The following LRCH3 variants were observed in gnomAD, a reference collection of about 807,000 sequenced individuals.
LRCH3 encodes the protein leucine rich repeats and calponin homology domain containing 3.
In LRCH3, 68 loss-of-function variants were observed where a neutral mutation model predicts 104.5. That is an observed-to-expected ratio of 0.65 (90% CI 0.54 to 0.80). The LOEUF is 0.80. Ranked by LOEUF, LRCH3 falls within the 30% of genes least tolerant of loss-of-function variation. The pLI, the probability that LRCH3 is intolerant of heterozygous loss-of-function variation, is 0.00. For missense variants in LRCH3, 951 were observed against 953.9 expected (o/e 1.00, Z 0.04); for synonymous variants, 344 against 361.3 (o/e 0.95, Z 0.54).
chr3:197,827,097 G>A, intron 5 of LRCH3, 83 bp downstream of exon 5: 2 of 1,572,216 alleles, frequency 1.3e-6, no homozygotes, highest in Non-Finnish European at 1.7e-6. Flanking sequence ...AACCATAGTG[G>A]AAGCATCAGG....
chr3:197,817,750 GC>G (rs1397459001), intron 3 of LRCH3, among the ~76,000 whole-genome samples: 1 of 151,938 alleles, frequency 6.6e-6, no homozygotes, highest in Non-Finnish European at 1.5e-5. Context: ...TTTATTTTTT[GC>G]CTTACATTAT....
chr3:197,858,145 A>C (rs1425908031), intron 14 of LRCH3, among the ~76,000 whole-genome samples: 3 of 152,358 alleles, frequency 2.0e-5, no homozygotes, highest in African/African-American at 7.2e-5. Flanking sequence ...CAAATGAGAA[A>C]AATTGTCATG....
rs953026143 is a variant in LRCH3 at position 197,813,540 on chromosome 3, T to C, written c.263-1368T>C. On this transcript the variant is annotated intron_variant, in intron 1 of 20. Coordinates refer to ENST00000425562, the MANE Select transcript of LRCH3 (RefSeq NM_001365715.1). ...TTTTTTTTTTTTTTTTTTTTTTTTT[T>C]TTTTTTTTGAGATGGAATCTCGCTC... Among the ~76,000 whole-genome samples, 32 of 128,416 alleles carry C rather than the reference T, an allele frequency of 2.5e-4. 3 individuals carry two copies. The highest frequency in any genetic ancestry group is 9.3e-4 in the African/African-American group (31 of 33,220). 84.2% of individuals were successfully genotyped at this position (128,416 alleles called of 152,430 possible).
intron 1 of LRCH3, among the ~76,000 whole-genome samples, chr3:197,809,861 C>T (rs1040921116): frequency 1.3e-5 from 2 of 152,100 alleles, no homozygotes; most frequent in Non-Finnish European, 2.9e-5. Context: ...GGTCTAGCAT[C>T]TCTGTCATCT....
intron 19 of LRCH3, among the ~76,000 whole-genome samples, chr3:197,875,011 C>CTCCCGGGT (rs1198977542): frequency 5.4e-5 from 8 of 147,200 alleles, no homozygotes; most frequent in Non-Finnish European, 5.9e-5. Flanking sequence ...CAACCTCTGC[C>CTCCCGGGT]TCCCGGGTTC....
intron 12 of LRCH3, chr3:197,850,358 T>TC: frequency 1.1e-6 from 1 of 923,498 alleles, no homozygotes; most frequent in East Asian, 2.6e-5. Flanking sequence ...TTTCTTTTTT[T>TC]TTTTTTTTTT....
At chr3:197,827,400 C>T (rs1735353653) in intron 5 of LRCH3, among the ~76,000 whole-genome samples, 1 of 151,898 alleles carries the variant, frequency 6.6e-6, no homozygotes, top group South Asian at 2.1e-4. Flanking sequence ...ATAGTGGAAG[C>T]ATCAGGTAAA....
At chr3:197,809,162 G>C (rs1339354097) in intron 1 of LRCH3, among the ~76,000 whole-genome samples, 1 of 151,956 alleles carries the variant, frequency 6.6e-6, no homozygotes, top group Non-Finnish European at 1.5e-5. Flanking sequence ...GTCAGGAGTG[G>C]TGGTGTGTGC....
intron 1 of LRCH3, among the ~76,000 whole-genome samples, chr3:197,792,621 TATAATATAC>T (rs1730731732): frequency 1.1e-5 from 1 of 94,234 alleles, no homozygotes; most frequent in Non-Finnish European, 2.1e-5. Context: ...TACATATATA[TATAATATAC>T]ATATAAATAT....
intron 20 of LRCH3, chr3:197,881,347 T>C (rs778296033): frequency 1.3e-5 from 13 of 988,574 alleles, no homozygotes; most frequent in Non-Finnish European, 1.6e-5. Flanking sequence ...AATGTTCAGT[T>C]TGAAGATCAC....
At position 197,854,498 on chromosome 3, in the gene LRCH3, C is replaced by T. The variant is rs1740015466; in HGVS notation, c.1644+53C>T. ...CGCATTTCTGTGTTTAGAGATTGTA[C>T]TTTTTATTCAGAAACTATCTAAATA... On this transcript the variant is annotated intron_variant, in intron 14 of 20. Coordinates refer to ENST00000425562, the MANE Select transcript of LRCH3 (RefSeq NM_001365715.1). The surrounding 1 kb of genome is among the most constrained non-coding windows in gnomAD (Gnocchi z 4.5). 6.6e-7 allele frequency: 1 copy of T among 1,508,578 alleles called. No homozygotes were observed. Among genetic ancestry groups the T allele is most frequent in the Non-Finnish European group, 9.2e-7 (1 of 1,083,946 alleles). 93.4% of individuals were successfully genotyped at this position (1,508,578 alleles called of 1,614,324 possible). A position where few individuals can be genotyped will look rare whatever the true frequency, so the allele number is the denominator to read the frequency against.
At chr3:197,830,480 C>A (rs1735786346) in intron 6 of LRCH3, among the ~76,000 whole-genome samples, 1 of 152,132 alleles carries the variant, frequency 6.6e-6, no homozygotes, top group African/African-American at 2.4e-5. Flanking sequence ...TTGAACCTCT[C>A]AAATTTTGCT....
rs369567580 is a variant in LRCH3 at position 197,869,391 on chromosome 3, A to G, written c.1874-769A>G. Among the ~76,000 whole-genome samples the G allele has an allele frequency of 2.4e-4, 30 of 126,858 alleles. No homozygotes were observed. The Middle Eastern group carries it at 0.014, about 60-fold the overall frequency. The allele number at this position is 126,858 out of a possible 152,430, so 83.2% of individuals were successfully genotyped here. ...AAAGCGGTGCACTGTACCTGCAGGA[A>G]GTAGAAAGCGGTGCACTGTACCTGC... On this transcript the variant is annotated intron_variant, in intron 17 of 20. Transcript: ENST00000425562.
chr3:197,805,550 AG>A (rs562961660), intron 1 of LRCH3, among the ~76,000 whole-genome samples: 1 of 149,562 alleles, frequency 6.7e-6, no homozygotes, highest in East Asian at 2.0e-4. Context: ...GAGTTTTTAG[AG>A]GGGGACACGC....
At chr3:197,791,232 G>A (rs1197231104), upstream of LRCH3, 2 of 1,590,164 alleles carry the variant, frequency 1.3e-6, no homozygotes, top group South Asian at 1.1e-5. Flanking sequence ...CAGCGGTCCG[G>A]CCGCGCATGC....
chr3:197,834,872 G>A (rs1248965442), intron 8 of LRCH3, among the ~76,000 whole-genome samples: 1 of 152,200 alleles, frequency 6.6e-6, no homozygotes, highest in African/African-American at 2.4e-5. Context: ...TGCCAGGCAC[G>A]TTGGCTGATG....
chr3:197,846,404 A>C (rs1738717252), intron 10 of LRCH3, among the ~76,000 whole-genome samples: 1 of 150,802 alleles, frequency 6.6e-6, no homozygotes, highest in South Asian at 2.1e-4. Flanking sequence ...AAAAAAACAA[A>C]AAAAAAACGG....
At chr3:197,820,519 G>T in intron 4 of LRCH3, 89 bp downstream of exon 4, 1 of 875,190 alleles carries the variant, frequency 1.1e-6, no homozygotes, top group Non-Finnish European at 1.8e-6. Flanking sequence ...ATGTATAAGG[G>T]TTACATCTAG....
Position 197,870,232 on chromosome 3 carries a change from C to T in LRCH3, c.1946C>T (p.Ser649Leu). Residue 649 changes from serine (S) to leucine (L), a missense_variant, in exon 18 of 21, where the codon TCA becomes TTA. Physicochemically the swap from Ser to Leu is moderately radical, Grantham distance 145. Transcript: ENST00000425562. Reference sequence around the variant, plus strand: ...ACAGATTCCATAACAGGACAGAATTCAAGACAGAGAGAAGAAGAGCTGGAA... The same window carrying T: ...ACAGATTCCATAACAGGACAGAATTTAAGACAGAGAGAAGAAGAGCTGGAA... ...DSTDSITGQN[S>L]RQREEELELI... The T allele has an allele frequency of 6.2e-7, 1 of 1,613,402 alleles. No individual in the cohort carries two copies. The highest frequency in any genetic ancestry group is 2.2e-5 in the East Asian group (1 of 44,880).
Sources: gnomAD v4.1 joint callset for allele counts (sites outside exome capture counted in the v4.1 genomes callset) on GRCh38, gnomAD v4.1.1 for gene constraint, Gnocchi (gnomAD v3.1) non-coding constraint, MANE v1.5 for transcripts, NCBI Gene and HGNC (gene_info 2026-07-23, HGNC 2026-07-21) for gene names.